Variants in PHF24 observed in about 807,000 individuals in gnomAD.
The protein encoded by PHF24 is Galpha inhibitory interacting protein.
In PHF24, 25 loss-of-function variants were observed where a neutral mutation model predicts 42.6. The ratio of observed to expected loss-of-function variants is 0.59; its 90% CI spans 0.43 to 0.82. PHF24 has a LOEUF of 0.82. Among genes scored for constraint, PHF24 ranks in the 40% least tolerant of loss-of-function variants. The pLI, the probability that PHF24 is intolerant of heterozygous loss-of-function variation, is 0.00. For missense variants in PHF24, 470 were observed against 538.1 expected (o/e 0.87, Z 1.25); for synonymous variants, 185 against 204.8 (o/e 0.90, Z 0.83).
At chr9:34,737,613 A>C in the PHF24 span, among the ~76,000 whole-genome samples, 1 of 152,186 alleles carries the variant, frequency 6.6e-6, no homozygotes, top group South Asian at 2.1e-4. Flanking sequence ...AGGACCTATC[A>C]AACTGTTTTC....
At chr9:34,728,154 A>G in the PHF24 span, 2 of 1,386,450 alleles carry the variant, frequency 1.4e-6, no homozygotes, top group African/African-American at 2.9e-5. Context: ...GCTGAATAGT[A>G]AGGCCTTTGA....
At chr9:34,958,138 G>T (rs1055658787), upstream of PHF24, among the ~76,000 whole-genome samples, 72 of 148,246 alleles carry the variant, frequency 4.9e-4, no homozygotes, top group African/African-American at 1.7e-3. This position sits in a 1 kb window ranked among gnomAD's most constrained non-coding sequence, Gnocchi z 4.5. Context: ...TGGGCGGGGC[G>T]GGGCGCGCCC....
At chr9:34,791,419 T>C in the PHF24 span, among the ~76,000 whole-genome samples, 1 of 152,174 alleles carries the variant, frequency 6.6e-6, no homozygotes, top group Admixed American at 6.5e-5. Context: ...ATCTGAGATA[T>C]CTAGCTGACA....
At chr9:34,829,427 G>A in the PHF24 span, among the ~76,000 whole-genome samples, 2 of 152,196 alleles carry the variant, frequency 1.3e-5, no homozygotes, top group Non-Finnish European at 2.9e-5. Context: ...CTCCCCTGGG[G>A]CAAGGCTTGT....
the PHF24 span, among the ~76,000 whole-genome samples, chr9:34,848,238 T>C: frequency 6.6e-6 from 1 of 151,370 alleles, no homozygotes; most frequent in African/African-American, 2.4e-5. Flanking sequence ...CCTGGACTCT[T>C]TTGGGTTGGT....
upstream of PHF24, among the ~76,000 whole-genome samples, chr9:34,955,332 G>GAAAAAAAAAAAA (rs1165975504): frequency 1.4e-5 from 2 of 147,300 alleles, no homozygotes; most frequent in Non-Finnish European, 3.0e-5. Flanking sequence ...AAAAAAAAAA[G>GAAAAAAAAAAAA]AAAAGAAAGT....
the PHF24 span, among the ~76,000 whole-genome samples, chr9:34,776,741 T>C: frequency 1.3e-5 from 2 of 152,262 alleles, no homozygotes; most frequent in Non-Finnish European, 2.9e-5. Flanking sequence ...ATTGAATTCC[T>C]TTGGAGGTGT....
chr9:34,682,427 G>A, the PHF24 span, among the ~76,000 whole-genome samples: 1 of 152,142 alleles, frequency 6.6e-6, no homozygotes, highest in African/African-American at 2.4e-5. Flanking sequence ...GCTCTGAGTT[G>A]TCTGTCTTTC....
chr9:34,971,263 T>C, intron 1 of PHF24, 32 bp from the exon 2 acceptor site: 5 of 1,559,990 alleles, frequency 3.2e-6, no homozygotes, highest in Non-Finnish European at 4.4e-6. Flanking sequence ...AGCCATTGGC[T>C]GAACCTGTGC....
At chr9:34,772,224 T>A in the PHF24 span, among the ~76,000 whole-genome samples, 86 of 152,336 alleles carry the variant, frequency 5.6e-4, no homozygotes, top group African/African-American at 1.9e-3. Flanking sequence ...CTGATGGGAA[T>A]GTGAGTTGTA....
the PHF24 span, chr9:34,833,828 A>T: frequency 1.3e-6 from 2 of 1,551,640 alleles, no homozygotes; most frequent in Non-Finnish European, 1.7e-6. Context: ...CATCTAAATC[A>T]GAGGCTCTGC....
the PHF24 span, among the ~76,000 whole-genome samples, chr9:34,744,677 T>TAA: frequency 6.6e-6 from 1 of 152,230 alleles, no homozygotes; most frequent in Non-Finnish European, 1.5e-5. Context: ...GGGGTAGAGT[T>TAA]ACAGCACATA....
chr9:34,752,275 TAAAC>T, the PHF24 span, among the ~76,000 whole-genome samples: 5 of 151,848 alleles, frequency 3.3e-5, no homozygotes, highest in African/African-American at 1.2e-4. Flanking sequence ...TTTGAAAAGA[TAAAC>T]AAAATTGACA....
the PHF24 span, among the ~76,000 whole-genome samples, chr9:34,946,793 G>A: frequency 3.9e-5 from 6 of 152,060 alleles, no homozygotes; most frequent in African/African-American, 1.5e-4. Context: ...TCCAGACCAG[G>A]GTGATGAAAT....
chr9:34,818,357 C>T, the PHF24 span, among the ~76,000 whole-genome samples: 2 of 152,182 alleles, frequency 1.3e-5, no homozygotes, highest in African/African-American at 4.8e-5. Flanking sequence ...TCTCATCTAT[C>T]CTGGTTTTCT....
At chr9:34,955,416 C>CGA (rs59711385), upstream of PHF24, among the ~76,000 whole-genome samples, 1 of 7,538 alleles carries the variant, frequency 1.3e-4, no homozygotes, top group African/African-American at 3.6e-4. Context: ...AAGTGGCTCA[C>CGA]CTGTAATCCC....
At chr9:34,795,717 C>A in the PHF24 span, among the ~76,000 whole-genome samples, 1 of 152,178 alleles carries the variant, frequency 6.6e-6, no homozygotes, top group East Asian at 1.9e-4. Flanking sequence ...ACAAGGTTGG[C>A]CAAAAGCAGT....
At chr9:34,941,757 C>T in the PHF24 span, among the ~76,000 whole-genome samples, 1 of 152,306 alleles carries the variant, frequency 6.6e-6, no homozygotes, top group East Asian at 1.9e-4. Flanking sequence ...CTCTGCCAAA[C>T]AAGCTCCCTT....
chr9:34,808,101 AT>A, the PHF24 span, among the ~76,000 whole-genome samples: 1 of 152,304 alleles, frequency 6.6e-6, no homozygotes, highest in Middle Eastern at 3.4e-3. Flanking sequence ...AGTCAACCTG[AT>A]TTGGAGTAAG....
Sources: gnomAD v4.1 joint callset for allele counts (sites outside exome capture counted in the v4.1 genomes callset) on GRCh38, gnomAD v4.1.1 for gene constraint, Gnocchi (gnomAD v3.1) non-coding constraint, MANE v1.5 for transcripts, NCBI Gene and HGNC (gene_info 2026-07-23, HGNC 2026-07-21) for gene names.